Variants in SORCS3 observed in about 807,000 individuals in gnomAD.
SORCS3 encodes sortilin related VPS10 domain containing receptor 3.
SORCS3 carries 57 observed loss-of-function variants against 146.3 expected under a neutral mutation model. The observed-to-expected ratio is 0.39, with a 90% CI of 0.31 to 0.49. SORCS3 has a LOEUF of 0.49. Ranked by LOEUF, SORCS3 falls within the 20% of genes least tolerant of loss-of-function variation. The pLI, the probability that SORCS3 is intolerant of heterozygous loss-of-function variation, is 0.92. For synonymous variants in SORCS3, 653 were observed against 618.5 expected (o/e 1.06, Z -0.83); for missense variants, 1,341 against 1,575.5 (o/e 0.85, Z 2.52).
At chr10:104,905,625 C>T (rs2018896977) in intron 2 of SORCS3, among the ~76,000 whole-genome samples, 1 of 152,186 alleles carries the variant, frequency 6.6e-6, no homozygotes, top group African/African-American at 2.4e-5. Context: ...ACTTCAAAGA[C>T]CTTATTCTGT....
At chr10:104,735,243 A>G (rs2016754104) in intron 1 of SORCS3, among the ~76,000 whole-genome samples, 1 of 152,090 alleles carries the variant, frequency 6.6e-6, no homozygotes, top group Non-Finnish European at 1.5e-5. Context: ...CTTGGCACTT[A>G]TGCCAGCCAT....
At chr10:104,900,122 A>G (rs2018835823) in intron 2 of SORCS3, among the ~76,000 whole-genome samples, 1 of 152,166 alleles carries the variant, frequency 6.6e-6, no homozygotes, top group African/African-American at 2.4e-5. Context: ...TTGAGCTTCC[A>G]AATCCCAGAC....
chr10:105,191,805 A>G (rs746618978), intron 14 of SORCS3, among the ~76,000 whole-genome samples: 3 of 152,178 alleles, frequency 2.0e-5, no homozygotes, highest in Non-Finnish European at 2.9e-5. Flanking sequence ...ATCCAATACC[A>G]CAGCTGACCT....
chr10:105,183,266 C>T (rs1179553447), intron 14 of SORCS3, among the ~76,000 whole-genome samples: 1 of 152,194 alleles, frequency 6.6e-6, no homozygotes, highest in African/African-American at 2.4e-5. Context: ...TGGCATAAAT[C>T]TCTGATTAAT....
intron 5 of SORCS3, among the ~76,000 whole-genome samples, chr10:105,088,132 G>A (rs1170637879): frequency 9.8e-5 from 15 of 152,330 alleles, no homozygotes; most frequent in Non-Finnish European, 2.9e-5. Flanking sequence ...AGTGGATAAG[G>A]ACGTTGGAGC....
At chr10:104,996,821 AT>A (rs891324073) in intron 4 of SORCS3, among the ~76,000 whole-genome samples, 35 of 152,196 alleles carry the variant, frequency 2.3e-4, no homozygotes, top group African/African-American at 4.6e-4. Flanking sequence ...AGAAAAAAAA[AT>A]TTTTACTACC....
At position 105,214,632 on chromosome 10, in the gene SORCS3, C is replaced by A. The variant is rs368757130; in HGVS notation, c.2547+19C>A. 2 of 1,541,542 alleles carry A rather than the reference C, an allele frequency of 1.3e-6. No homozygotes were observed. The highest frequency in any genetic ancestry group is 1.7e-6 in the Non-Finnish European group (2 of 1,144,942). ...GGAGGAGGTAGGTGCTCAACTGGGT[C>A]TCTGAGGTCAGAACTCCCAACCAGA... On this transcript the variant is annotated intron_variant, in intron 18 of 26. Transcript: ENST00000369701.
At chr10:104,861,431 TGGA>T (rs1000630976) in intron 2 of SORCS3, among the ~76,000 whole-genome samples, 2 of 152,202 alleles carry the variant, frequency 1.3e-5, no homozygotes, top group African/African-American at 4.8e-5. Context: ...GGTAAAGTGT[TGGA>T]ACAGTGATGA....
At chr10:104,795,969 T>C (rs2017550333) in intron 1 of SORCS3, among the ~76,000 whole-genome samples, 1 of 152,200 alleles carries the variant, frequency 6.6e-6, no homozygotes, top group Admixed American at 6.5e-5. Context: ...ATATGCCCCC[T>C]AGCAGAGCGC....
At chr10:104,895,842 C>G (rs1245874370) in intron 2 of SORCS3, among the ~76,000 whole-genome samples, 1 of 152,182 alleles carries the variant, frequency 6.6e-6, no homozygotes, top group Non-Finnish European at 1.5e-5. Context: ...CACTTTGTTT[C>G]TCTGTAAATT....
At chr10:105,025,716 A>G (rs186363930) in intron 4 of SORCS3, among the ~76,000 whole-genome samples, 5 of 152,122 alleles carry the variant, frequency 3.3e-5, no homozygotes, top group African/African-American at 1.2e-4. Context: ...AGGTTCCTCC[A>G]GGGCGGTTGT....
chr10:104,865,646 G>A (rs1005017809), intron 2 of SORCS3, among the ~76,000 whole-genome samples: 1 of 152,206 alleles, frequency 6.6e-6, no homozygotes, highest in African/African-American at 2.4e-5. Context: ...AGAGAAGTAG[G>A]AAAGTTAAGA....
chr10:105,024,075 G>C (rs1211172905), intron 4 of SORCS3, among the ~76,000 whole-genome samples: 1 of 152,146 alleles, frequency 6.6e-6, no homozygotes, highest in Non-Finnish European at 1.5e-5. Context: ...ATTTGATTTT[G>C]TCATGGAAAC....
chr10:105,182,706 G>T (rs961711246), intron 14 of SORCS3, among the ~76,000 whole-genome samples: 5 of 152,094 alleles, frequency 3.3e-5, no homozygotes, highest in Non-Finnish European at 7.4e-5. Context: ...GATGTTGTTT[G>T]TTTGTTTGAG....
At chr10:105,063,658 C>A (rs960162003) in intron 5 of SORCS3, among the ~76,000 whole-genome samples, 6 of 152,138 alleles carry the variant, frequency 3.9e-5, no homozygotes, top group African/African-American at 1.4e-4. Context: ...AATTGACTGA[C>A]AATAATTGTT....
chr10:104,741,729 T>TTTTTTTTTTTTTC, intron 1 of SORCS3, among the ~76,000 whole-genome samples: 1 of 116,484 alleles, frequency 8.6e-6, no homozygotes, highest in African/African-American at 3.3e-5. Context: ...TTTTTTTTTT[T>TTTTTTTTTTTTTC]TTTGCCTAGC....
intron 1 of SORCS3, among the ~76,000 whole-genome samples, chr10:104,836,046 C>T (rs1008176744): frequency 2.0e-5 from 3 of 152,182 alleles, no homozygotes; most frequent in Admixed American, 2.0e-4. Flanking sequence ...GTTTCAGGTG[C>T]TGCATTCTTT....
chr10:104,970,636 GAAAA>G (rs1012792964), intron 3 of SORCS3, among the ~76,000 whole-genome samples: 33 of 151,986 alleles, frequency 2.2e-4, no homozygotes, highest in Admixed American at 9.2e-4. Context: ...ACACATGAGT[GAAAA>G]AAAGTCATTA....
At position 105,252,956 on chromosome 10, in the gene SORCS3, G is replaced by C. The variant is rs199720136; in HGVS notation, c.3237+50G>C. ...GACCCTTGCCTGCACCCTACACCCT[G>C]AGAGGGCACAAAGCTGTTTTCAGCC... On this transcript the variant is annotated intron_variant, in intron 23 of 26. Transcript: ENST00000369701. The C allele has an allele frequency of 1.2e-5, 19 of 1,586,886 alleles. No homozygotes were observed. In the East Asian group the frequency reaches 3.4e-4, roughly 28 times the overall value.
Sources: allele counts gnomAD v4.1 joint callset (sites outside exome capture counted in the v4.1 genomes callset), GRCh38; gene constraint gnomAD v4.1.1; transcripts MANE v1.5; gene names NCBI Gene and HGNC (gene_info 2026-07-23, HGNC 2026-07-21).